Variants in SLIT2 observed in about 807,000 individuals in gnomAD.
The protein encoded by SLIT2 is slit guidance ligand 2.
Under a neutral mutation model 185.7 loss-of-function variants are expected in SLIT2, and 41 were observed. The ratio of observed to expected loss-of-function variants is 0.22; its 90% CI spans 0.17 to 0.29. The LOEUF (loss-of-function observed/expected upper bound fraction) is 0.29. SLIT2 is among the 10% of genes least tolerant of loss of function. The pLI, the probability that SLIT2 is intolerant of heterozygous loss-of-function variation, is 1.00. For synonymous variants in SLIT2, 693 were observed against 680.2 expected (o/e 1.02, Z -0.29); for missense variants, 1,571 against 1,909.0 (o/e 0.82, Z 3.30).
At chr4:20,318,466 G>A (rs1380504394) in intron 4 of SLIT2, among the ~76,000 whole-genome samples, 2 of 152,074 alleles carry the variant, frequency 1.3e-5, no homozygotes, top group Non-Finnish European at 1.5e-5. Flanking sequence ...ACACAAACAC[G>A]GGAAACTAGA....
rs1157453738 is a variant in SLIT2, at chr4:20,291,492, ATTTTTTTTTTTTTTTTTT to A, written c.395+22625_395+22642del. Among the ~76,000 whole-genome samples, 136 of 18,240 alleles carry A rather than the reference ATTTTTTTTTTTTTTTTTT, an allele frequency of 7.5e-3. 1 individual carries two copies. Among genetic ancestry groups the A allele is most frequent in the Admixed American group, 0.011 (11 of 1,002 alleles). The allele number at this position is 18,240 out of a possible 152,430, so 12.0% of individuals were successfully genotyped here. ...TATATATATATATATATATATATATATTTTTTTTTTTTTTTTTTTTTTTTTTTTTTTACAGCAATGCTA... is the reference window on the plus strand; with the variant it reads ...TATATATATATATATATATATATATATTTTTTTTTTTTTACAGCAATGCTA... On this transcript the variant is annotated intron_variant, in intron 4 of 36. Transcript: ENST00000504154.
intron 4 of SLIT2, among the ~76,000 whole-genome samples, chr4:20,391,283 A>G (rs1235368257): frequency 6.6e-6 from 1 of 152,120 alleles, no homozygotes; most frequent in East Asian, 1.9e-4. Flanking sequence ...TCTCAAAAGC[A>G]TCTTGATATT....
chr4:20,506,868 T>C (rs146752008), intron 9 of SLIT2, among the ~76,000 whole-genome samples: 100 of 152,170 alleles, frequency 6.6e-4, no homozygotes, highest in Non-Finnish European at 1.0e-3. Context: ...TTTGCCTTAA[T>C]GAACTGCTGA....
In SLIT2 at chr4:20,417,436, G is replaced by GTATATATATATATATATATATATA. The variant is rs367855245; in HGVS notation, c.396-50294_396-50293insTATATATATATATATATATATATA. Among the ~76,000 whole-genome samples the GTATATATATATATATATATATATA allele has an allele frequency of 5.5e-3, 682 of 123,362 alleles. 9 individuals carry two copies. The highest frequency in any genetic ancestry group is 6.5e-3 in the Non-Finnish European group (367 of 56,594). The allele number at this position is 123,362 out of a possible 152,430, so 80.9% of individuals were successfully genotyped here. ...CGCAATCATATATATATGTGTGTGT[G>GTATATATATATATATATATATATA]TATATATATATATATATATATACGT... On this transcript the variant is annotated intron_variant, in intron 4 of 36. Coordinates refer to ENST00000504154, the MANE Select transcript of SLIT2 (RefSeq NM_004787.4).
intron 29 of SLIT2, among the ~76,000 whole-genome samples, chr4:20,585,054 CA>C (rs763868028): frequency 6.6e-6 from 1 of 150,494 alleles, no homozygotes; most frequent in African/African-American, 2.4e-5. Context: ...GACTCTATCT[CA>C]AAAAAAACAA....
chr4:20,494,901 A>G (rs960088538), intron 9 of SLIT2, among the ~76,000 whole-genome samples: 2 of 152,172 alleles, frequency 1.3e-5, no homozygotes, highest in Admixed American at 6.6e-5. Context: ...ATTTGAAACC[A>G]TCAACTGTCT....
intron 8 of SLIT2, among the ~76,000 whole-genome samples, chr4:20,491,282 A>G (rs1240880072): frequency 6.6e-6 from 1 of 152,176 alleles, no homozygotes; most frequent in Non-Finnish European, 1.5e-5. Flanking sequence ...TTGGCATATG[A>G]TTATTTAATT....
chr4:20,571,671 T>TG (rs1319136371), intron 29 of SLIT2, among the ~76,000 whole-genome samples: 1 of 152,186 alleles, frequency 6.6e-6, no homozygotes, highest in Non-Finnish European at 1.5e-5. Context: ...TTAATGAGCA[T>TG]GAGATCTGGG....
Position 20,472,611 on chromosome 4 carries a change from TATATATATCGATATATCTATATATATCG to T in SLIT2, c.467+4797_467+4824del, listed in dbSNP as rs1715639086. 2.4e-4 allele frequency among the ~76,000 whole-genome samples: 2 copies of T among 8,324 alleles called. 1 individual carries two copies. The highest frequency in any genetic ancestry group is 1.4e-3 in the African/African-American group (2 of 1,434). 5.5% of individuals were successfully genotyped at this position (8,324 alleles called of 152,430 possible). A position where few individuals can be genotyped will look rare whatever the true frequency, so the allele number is the denominator to read the frequency against. ...ATAGATATATATCTATAGATATATC[TATATATATCGATATATCTATATATATCG>T]ATATATATATTTAAAAGCCTTAACA... On this transcript the variant is annotated intron_variant, in intron 5 of 36. Transcript: ENST00000504154.
intron 4 of SLIT2, among the ~76,000 whole-genome samples, chr4:20,329,779 C>T (rs1449920994): frequency 6.6e-6 from 1 of 151,932 alleles, no homozygotes; most frequent in Non-Finnish European, 1.5e-5. Flanking sequence ...AATAATCAGA[C>T]AGGTTCTAAT....
chr4:20,392,199 T>G (rs1725479474), intron 4 of SLIT2: 1 of 152,058 alleles, frequency 6.6e-6, no homozygotes, highest in Admixed American at 6.6e-5. Context: ...AGCCTATTGC[T>G]CCTAGGCTTC....
At chr4:20,608,737 T>C (rs1234424845) in intron 33 of SLIT2, among the ~76,000 whole-genome samples, 2 of 152,290 alleles carry the variant, frequency 1.3e-5, no homozygotes, top group East Asian at 1.9e-4. Flanking sequence ...GTGAGAACCA[T>C]GCAGAAATAT....
chr4:20,598,674 A>G (rs929927645), intron 33 of SLIT2, among the ~76,000 whole-genome samples: 4 of 152,120 alleles, frequency 2.6e-5, no homozygotes, highest in Admixed American at 2.0e-4. Context: ...GTTGCTACCC[A>G]TATGCCTGAA....
intron 34 of SLIT2, chr4:20,615,100 G>C (rs1729550752): frequency 1.3e-5 from 2 of 152,098 alleles, no homozygotes; most frequent in African/African-American, 4.8e-5. Flanking sequence ...AATAGTTTTG[G>C]AAGAAGTTCA....
Position 20,254,776 on chromosome 4 carries a change from G to T in SLIT2, c.179+782G>T. Reference sequence around the variant, plus strand: ...CCACTGCGGCGACCCGGCGGTGCCCGGCTGCCCCCTCCGGCCCTTCCTGCT... The same window carrying T: ...CCACTGCGGCGACCCGGCGGTGCCCTGCTGCCCCCTCCGGCCCTTCCTGCT... On this transcript the variant is annotated intron_variant, in intron 1 of 36. Coordinates refer to ENST00000504154, the MANE Select transcript of SLIT2 (RefSeq NM_004787.4). The surrounding 1 kb of genome is among the most constrained non-coding windows in gnomAD (Gnocchi z 5.1). The T allele has an allele frequency of 2.6e-6, 1 of 390,848 alleles. No individual in the cohort carries two copies. Among genetic ancestry groups the T allele is most frequent in the Non-Finnish European group, 5.1e-6 (1 of 195,916 alleles). 24.2% of individuals were successfully genotyped at this position (390,848 alleles called of 1,614,324 possible).
chr4:20,493,639 A>G (rs1361402507), intron 9 of SLIT2, among the ~76,000 whole-genome samples: 1 of 152,206 alleles, frequency 6.6e-6, no homozygotes, highest in Non-Finnish European at 1.5e-5. Flanking sequence ...AGGTTTACCT[A>G]TCATTTACTA....
At chr4:20,472,346 A>ATATATC (rs1715295738) in intron 5 of SLIT2, among the ~76,000 whole-genome samples, 2 of 45,522 alleles carry the variant, frequency 4.4e-5, no homozygotes, top group African/African-American at 8.7e-5. Context: ...ATCTATATAT[A>ATATATC]GATATAGATA....
At chr4:20,548,593 A>T (rs377609286) in intron 23 of SLIT2, 34 bp downstream of exon 23, 2 of 1,272,848 alleles carry the variant, frequency 1.6e-6, no homozygotes, top group Non-Finnish European at 2.3e-6. Context: ...AGTATTCATT[A>T]ATTCAATGGA....
At chr4:20,276,425 G>A (rs1714169352) in intron 4 of SLIT2, among the ~76,000 whole-genome samples, 1 of 152,126 alleles carries the variant, frequency 6.6e-6, no homozygotes, top group African/African-American at 2.4e-5. Flanking sequence ...AAATCTTAGA[G>A]AAGGAAGCAG....
Sources: gnomAD v4.1 joint callset for allele counts (sites outside exome capture counted in the v4.1 genomes callset) on GRCh38, gnomAD v4.1.1 for gene constraint, Gnocchi (gnomAD v3.1) non-coding constraint, MANE v1.5 for transcripts, NCBI Gene and HGNC (gene_info 2026-07-23, HGNC 2026-07-21) for gene names.